Variants in COX7B2 observed in about 807,000 individuals in gnomAD.
COX7B2 encodes cytochrome c oxidase subunit 7B2, also known as cytochrome c oxidase subunit 7B2, mitochondrial.
For synonymous variants in COX7B2, 37 were observed against 32.1 expected (o/e 1.15, Z -0.51); for missense variants, 109 against 95.9 (o/e 1.14, Z -0.57).
intron 1 of COX7B2, among the ~76,000 whole-genome samples, chr4:46,883,506 C>A (rs970017775): frequency 3.9e-5 from 6 of 152,094 alleles, no homozygotes; most frequent in African/African-American, 1.4e-4. Context: ...GAGTCCAAGG[C>A]GAGTGGATCG....
intron 2 of COX7B2, among the ~76,000 whole-genome samples, chr4:46,804,362 A>G (rs1718859195): frequency 6.6e-6 from 1 of 152,252 alleles, no homozygotes; most frequent in Admixed American, 6.5e-5. Context: ...TTATTCTCTT[A>G]TCTGGCTCCA....
chr4:46,857,429 A>C (rs1717068832), intron 1 of COX7B2, among the ~76,000 whole-genome samples: 1 of 152,226 alleles, frequency 6.6e-6, no homozygotes. Flanking sequence ...CACTGGAGTC[A>C]TGAATGCTGA....
At chr4:46,741,157 A>G (rs1260219883) in intron 2 of COX7B2, among the ~76,000 whole-genome samples, 1 of 152,082 alleles carries the variant, frequency 6.6e-6, no homozygotes, top group Admixed American at 6.6e-5. Context: ...TTTTTATGTA[A>G]TTTCAAGAAG....
chr4:46,783,063 A>G (rs992559835), intron 2 of COX7B2, among the ~76,000 whole-genome samples: 5 of 152,256 alleles, frequency 3.3e-5, no homozygotes, highest in Admixed American at 6.5e-5. Flanking sequence ...TGATAACCAC[A>G]TATTCTAAAT....
At chr4:46,900,824 T>G (rs1428261116) in intron 1 of COX7B2, among the ~76,000 whole-genome samples, 1 of 152,172 alleles carries the variant, frequency 6.6e-6, no homozygotes, top group African/African-American at 2.4e-5. Flanking sequence ...TGCTGGCACC[T>G]AAGTCTTGGA....
intron 2 of COX7B2, among the ~76,000 whole-genome samples, chr4:46,814,701 T>A (rs1452686523): frequency 6.6e-6 from 1 of 152,318 alleles, no homozygotes; most frequent in East Asian, 1.9e-4. Context: ...GCAGGATTGA[T>A]CACTTTTTAC....
At chr4:46,860,084 G>A (rs1018363970) in intron 1 of COX7B2, among the ~76,000 whole-genome samples, 4 of 152,124 alleles carry the variant, frequency 2.6e-5, no homozygotes, top group Non-Finnish European at 4.4e-5. Flanking sequence ...GTATCTTCTG[G>A]TGCCCAGCAT....
At chr4:46,828,142 T>C (rs917533382) in intron 2 of COX7B2, among the ~76,000 whole-genome samples, 4 of 152,114 alleles carry the variant, frequency 2.6e-5, no homozygotes, top group Admixed American at 6.6e-5. Flanking sequence ...TGTAACAAAT[T>C]TGACATAATA....
At chr4:46,825,630 C>G (rs1714635780) in intron 2 of COX7B2, among the ~76,000 whole-genome samples, 2 of 152,150 alleles carry the variant, frequency 1.3e-5, no homozygotes, top group South Asian at 4.1e-4. Context: ...TGACTTCAAA[C>G]TATACTTCAA....
chr4:46,799,802 C>G (rs1359473757), intron 2 of COX7B2, among the ~76,000 whole-genome samples: 1 of 152,004 alleles, frequency 6.6e-6, no homozygotes, highest in Non-Finnish European at 1.5e-5. Context: ...AAAAATTGTC[C>G]TGAAGTTTTA....
At chr4:46,884,985 G>A (rs892239529) in intron 1 of COX7B2, among the ~76,000 whole-genome samples, 1 of 150,198 alleles carries the variant, frequency 6.7e-6, no homozygotes, top group Admixed American at 6.6e-5. Context: ...TTATAAACTT[G>A]TTTGTAATTT....
intron 2 of COX7B2, among the ~76,000 whole-genome samples, chr4:46,826,179 G>C (rs1714676967): frequency 6.6e-6 from 1 of 151,528 alleles, no homozygotes; most frequent in African/African-American, 2.4e-5. Flanking sequence ...ATTTACAAGA[G>C]AAAAACAACC....
chr4:46,777,206 G>C (rs1167196122), intron 2 of COX7B2, among the ~76,000 whole-genome samples: 3 of 151,998 alleles, frequency 2.0e-5, no homozygotes, highest in Non-Finnish European at 4.4e-5. Context: ...CTTGAAACCA[G>C]ACCAAAAAAA....
At chr4:46,752,886 G>C (rs1280798725) in intron 2 of COX7B2, among the ~76,000 whole-genome samples, 2 of 151,826 alleles carry the variant, frequency 1.3e-5, no homozygotes, top group African/African-American at 2.4e-5. Context: ...TTCTCTTTTT[G>C]TGTTGTCTCT....
At chr4:46,753,758 C>G (rs934396263) in intron 2 of COX7B2, among the ~76,000 whole-genome samples, 3 of 151,842 alleles carry the variant, frequency 2.0e-5, no homozygotes, top group African/African-American at 7.3e-5. Flanking sequence ...AAAGAAACTA[C>G]CATCAGAGTG....
At chr4:46,838,796 T>C (rs971398006) in intron 2 of COX7B2, among the ~76,000 whole-genome samples, 2 of 152,052 alleles carry the variant, frequency 1.3e-5, no homozygotes, top group Non-Finnish European at 2.9e-5. Context: ...TTTCCTTCTG[T>C]AGCTTATCCC....
intron 2 of COX7B2, among the ~76,000 whole-genome samples, chr4:46,828,205 G>C (rs748507419): frequency 1.3e-5 from 2 of 151,992 alleles, no homozygotes; most frequent in African/African-American, 4.8e-5. Context: ...AAGACAGGGA[G>C]GAATATTTGC....
chr4:46,848,352 A>G (rs910107240), intron 1 of COX7B2, among the ~76,000 whole-genome samples: 20 of 152,098 alleles, frequency 1.3e-4, no homozygotes, highest in Admixed American at 1.3e-4. Flanking sequence ...AATCAATACA[A>G]TCAAATCTAA....
At chr4:46,802,035 C>A (rs1170788706) in intron 2 of COX7B2, among the ~76,000 whole-genome samples, 1 of 152,084 alleles carries the variant, frequency 6.6e-6, no homozygotes, top group Non-Finnish European at 1.5e-5. Flanking sequence ...GTAGAGATAA[C>A]CCTTCCCTTG....
Sources: allele counts gnomAD v4.1 joint callset (sites outside exome capture counted in the v4.1 genomes callset), GRCh38; gene constraint gnomAD v4.1.1; transcripts MANE v1.5; gene names NCBI Gene and HGNC (gene_info 2026-07-23, HGNC 2026-07-21).